The following RBBP7 variants were observed in gnomAD, a reference collection of about 807,000 sequenced individuals.
RBBP7 encodes RB binding protein 7, chromatin remodeling factor, also known as histone-binding protein RBBP7.
A neutral mutation model predicts 35.2 loss-of-function variants in RBBP7; 5 were observed. The ratio of observed to expected loss-of-function variants is 0.14; its 90% CI spans 0.07 to 0.30. RBBP7 has a LOEUF of 0.30. RBBP7 is among the 10% of genes least tolerant of loss of function. RBBP7 has a pLI of 1.00. For synonymous variants in RBBP7, 140 were observed against 118.7 expected, an observed-to-expected ratio of 1.18 and a Z score of -1.17; for missense variants, 155 against 327.5, an observed-to-expected ratio of 0.47 and a Z score of 4.07.
At chrX:16,867,062 G>A (rs1930641855) in intron 2 of RBBP7, among the ~76,000 whole-genome samples, 1 of 112,039 alleles carries the variant, frequency 8.9e-6, no homozygotes, top group Non-Finnish European at 1.9e-5. Context: ...TCCAAATGAA[G>A]AAACAGAGCT....
At chrX:16,852,170 T>C in intron 8 of RBBP7, 48 bp from the exon 9 acceptor site, 17 of 1,015,907 alleles carry the variant, frequency 1.7e-5, no homozygotes, top group Non-Finnish European at 2.4e-5. Flanking sequence ...CATCCGCTGC[T>C]AGGTTTGTGG....
At chrX:16,845,640 A>T (rs1227472620) in intron 11 of RBBP7, among the ~76,000 whole-genome samples, 188 bp downstream of exon 11, 1 of 112,652 alleles carries the variant, frequency 8.9e-6, no homozygotes, top group Non-Finnish European at 1.9e-5. Flanking sequence ...TACAAATAGC[A>T]AACAGTGGAC....
In RBBP7 at chrX:16,868,804, C is replaced by G. The variant is rs147939118; in HGVS notation, c.161+272G>C. Among the ~76,000 whole-genome samples the G allele has an allele frequency of 3.4e-3, 382 of 112,253 alleles. 1 individual carries two copies. The highest frequency in any genetic ancestry group is 0.032 in the Middle Eastern group (7 of 219). ...GCATTAGTTTGGGCCCAGAAAGATG[C>G]TGCTCTACATTCAAGCCCAGGAAAT... On this transcript the variant is annotated intron_variant, in intron 2 of 11. Coordinates refer to ENST00000380087, the MANE Select transcript of RBBP7 (RefSeq NM_002893.4).
Position 16,857,721 on chromosome X carries a change from T to G in RBBP7, c.482-12A>C, listed in dbSNP as rs369779718. 8.4e-7 allele frequency: 1 copy of G among 1,189,016 alleles called. No homozygotes were observed. Among genetic ancestry groups the G allele is most frequent in the African/African-American group, 1.8e-5 (1 of 55,184 alleles). On this transcript the variant is annotated splice_polypyrimidine_tract_variant and intron_variant, in intron 4 of 11. Transcript: ENST00000380087. Reference sequence around the variant, plus strand: ...TTCTCCACTTGGGTCTAAGAAAAGATGAAAAACATTAAGTTATTCTCTGTT... The same window carrying G: ...TTCTCCACTTGGGTCTAAGAAAAGAGGAAAAACATTAAGTTATTCTCTGTT...
rs1459814142 is a variant in RBBP7 at position 16,865,946 on chromosome X, C to T, written c.162-2846G>A. On this transcript the variant is annotated intron_variant, in intron 2 of 11. Coordinates refer to ENST00000380087, the MANE Select transcript of RBBP7 (RefSeq NM_002893.4). ...TCCAATACATACTCTTACTGACAAACTCAAGTGAAGAACTTGCTACCATAA... is the reference window on the plus strand; with the variant it reads ...TCCAATACATACTCTTACTGACAAATTCAAGTGAAGAACTTGCTACCATAA... 1.8e-5 allele frequency among the ~76,000 whole-genome samples: 2 copies of T among 112,004 alleles called. 1 individual carries two copies. Among genetic ancestry groups the T allele is most frequent in the East Asian group, 5.6e-4 (2 of 3,580 alleles).
chrX:16,854,766 A>G (rs1168270962), intron 5 of RBBP7, among the ~76,000 whole-genome samples: 1 of 108,667 alleles, frequency 9.2e-6, no homozygotes, highest in East Asian at 2.9e-4. Flanking sequence ...AGCAGAGGCC[A>G]TGGGGCCTCT....
At position 16,866,487 on chromosome X, in the gene RBBP7, C is replaced by T. The variant is rs75485416; in HGVS notation, c.161+2589G>A. On this transcript the variant is annotated intron_variant, in intron 2 of 11. Transcript: ENST00000380087. ...GCTGCAGTGAGCCAAGATGGTGCCA[C>T]TGCACTCCAGCCTGGGAGACAGAGC... Among the ~76,000 whole-genome samples the T allele has an allele frequency of 0.015, 1,219 of 82,311 alleles. 65 individuals carry two copies. The East Asian group carries it at 0.15, about 10-fold the overall frequency. The allele number at this position is 82,311 out of a possible 115,157, so 71.5% of individuals were successfully genotyped here. A position where few individuals can be genotyped will look rare whatever the true frequency, so the allele number is the denominator to read the frequency against.
intron 2 of RBBP7, among the ~76,000 whole-genome samples, chrX:16,866,863 T>C (rs1930637353): frequency 1.8e-5 from 2 of 111,278 alleles, no homozygotes; most frequent in Non-Finnish European, 3.8e-5. Context: ...TGCAGGCTGC[T>C]TGGCATTTTC....
intron 9 of RBBP7, among the ~76,000 whole-genome samples, chrX:16,850,675 C>T (rs375318649): frequency 8.9e-6 from 1 of 112,504 alleles, no homozygotes; most frequent in Non-Finnish European, 1.9e-5. Flanking sequence ...TATTCTCCAG[C>T]GTCTCTTCTA....
At chrX:16,864,351 C>T (rs1485693107) in intron 2 of RBBP7, among the ~76,000 whole-genome samples, 1 of 110,261 alleles carries the variant, frequency 9.1e-6, no homozygotes, top group African/African-American at 3.3e-5. Flanking sequence ...GAAACCCCAT[C>T]TCTATTAAAA....
intron 4 of RBBP7, 150 bp from the exon 5 acceptor site, chrX:16,857,859 C>CA: frequency 1.2e-6 from 1 of 831,905 alleles, no homozygotes; most frequent in Non-Finnish European, 1.6e-6. Context: ...GCCTCATGAC[C>CA]ATTAGATGAT....
intron 2 of RBBP7, among the ~76,000 whole-genome samples, chrX:16,865,063 CAAAAA>C (rs34381419): frequency 8.1e-4 from 20 of 24,565 alleles, no homozygotes; most frequent in South Asian, 3.0e-3. Context: ...GACCCTGTCT[CAAAAA>C]AAAAAAAAAA....
At chrX:16,864,539 A>AAAAAG (rs1930556636) in intron 2 of RBBP7, among the ~76,000 whole-genome samples, 1 of 93,506 alleles carries the variant, frequency 1.1e-5, no homozygotes, top group African/African-American at 4.1e-5. Context: ...AAAAAAAAAA[A>AAAAAG]AAAAAAAAGA....
rs1169192866 is a variant in RBBP7 at position 16,844,959 on chromosome X, A to G, written c.*76T>C. ...CCCCACTTACATTTCCTACTATACA[A>G]TGCCTTTTTGGCGCTTGATAAATCA... On this transcript the variant is annotated 3_prime_UTR_variant, in exon 12 of 12. Transcript: ENST00000380087. 1.1e-6 allele frequency: 1 copy of G among 948,901 alleles called. No individual in the cohort carries two copies. The highest frequency in any genetic ancestry group is 3.1e-5 in the East Asian group (1 of 32,412). 78.2% of individuals were successfully genotyped at this position (948,901 alleles called of 1,213,427 possible). A position where few individuals can be genotyped will look rare whatever the true frequency, so the allele number is the denominator to read the frequency against.
intron 1 of RBBP7, chrX:16,869,746 G>A: frequency 2.1e-6 from 2 of 974,504 alleles, no homozygotes. Context: ...CCAGCGGCGG[G>A]GGCCGCCTCC....
intron 6 of RBBP7, chrX:16,853,412 A>G (rs997826100): frequency 6.7e-5 from 16 of 239,672 alleles, no homozygotes; most frequent in Non-Finnish European, 1.0e-4. Context: ...CTCCCACTTC[A>G]GCCTCCTGAG....
intron 2 of RBBP7, among the ~76,000 whole-genome samples, chrX:16,866,577 AGCAAG>A (rs1465456075): frequency 2.8e-5 from 3 of 106,862 alleles, no homozygotes; most frequent in Non-Finnish European, 5.8e-5. Flanking sequence ...AAAGCAAGAA[AGCAAG>A]AAAGCAAGCC....
intron 9 of RBBP7, 128 bp downstream of exon 9, chrX:16,851,918 A>C (rs1322221137): frequency 3.4e-5 from 17 of 493,692 alleles, no homozygotes; most frequent in Non-Finnish European, 5.9e-5. Flanking sequence ...GAAGATGCTT[A>C]GAAGTTTCTT....
chrX:16,867,121 A>C (rs1930643285), intron 2 of RBBP7, among the ~76,000 whole-genome samples: 1 of 112,052 alleles, frequency 8.9e-6, no homozygotes, highest in South Asian at 3.7e-4. Context: ...TGGGAGAATC[A>C]GCATCAGTCA....
Sources: gnomAD v4.1 joint callset for allele counts (sites outside exome capture counted in the v4.1 genomes callset) on GRCh38, gnomAD v4.1.1 for gene constraint, MANE v1.5 for transcripts, NCBI Gene and HGNC (gene_info 2026-07-23, HGNC 2026-07-21) for gene names.